Variants in RABGAP1L observed in about 807,000 individuals in gnomAD.
RABGAP1L encodes rab GTPase-activating protein 1-like.
A neutral mutation model predicts 137.7 loss-of-function variants in RABGAP1L; 63 were observed. The ratio of observed to expected loss-of-function variants is 0.46; its 90% CI spans 0.37 to 0.56. The LOEUF is 0.56. RABGAP1L is among the 20% of genes least tolerant of loss of function. RABGAP1L has a pLI of 0.00. For synonymous variants in RABGAP1L, 431 were observed against 433.7 expected (o/e 0.99, Z 0.08); for missense variants, 1,095 against 1,244.0 (o/e 0.88, Z 1.80).
chr1:174,646,622 T>TA (rs1365916931), intron 14 of RABGAP1L, among the ~76,000 whole-genome samples: 2 of 152,186 alleles, frequency 1.3e-5, no homozygotes, highest in African/African-American at 4.8e-5. Context: ...AGCCTTGTAT[T>TA]ATAGTTTGAA....
intron 1 of RABGAP1L, among the ~76,000 whole-genome samples, chr1:174,183,424 C>T (rs564616407): frequency 3.5e-4 from 54 of 152,236 alleles, no homozygotes; most frequent in South Asian, 8.3e-4. Flanking sequence ...CTGTGCGAGC[C>T]GCTGTAACCG....
intron 17 of RABGAP1L, among the ~76,000 whole-genome samples, chr1:174,743,442 A>G (rs1000301063): frequency 6.6e-6 from 1 of 152,188 alleles, no homozygotes; most frequent in Non-Finnish European, 1.5e-5. Flanking sequence ...CTATTGAACT[A>G]TTGGGTCAGT....
intron 13 of RABGAP1L, among the ~76,000 whole-genome samples, chr1:174,398,190 G>C (rs1420332617): frequency 1.3e-5 from 2 of 151,948 alleles, no homozygotes; most frequent in African/African-American, 4.8e-5. Context: ...ACCTAGTTTT[G>C]GTGTCCAGAG....
intron 17 of RABGAP1L, among the ~76,000 whole-genome samples, chr1:174,731,079 A>G (rs137940728): frequency 0.09 from 13,768 of 152,170 alleles, 850 homozygotes; most frequent in East Asian, 0.22. Flanking sequence ...GGTTCAAGCT[A>G]TTCTCCTGCC....
chr1:174,384,264 T>A (rs1686533631), intron 12 of RABGAP1L, among the ~76,000 whole-genome samples: 1 of 152,186 alleles, frequency 6.6e-6, no homozygotes, highest in Non-Finnish European at 1.5e-5. Flanking sequence ...TGTTAAGGAC[T>A]GGTGGTATTG....
At chr1:174,559,344 A>T (rs567686926) in intron 13 of RABGAP1L, among the ~76,000 whole-genome samples, 1 of 152,190 alleles carries the variant, frequency 6.6e-6, no homozygotes, top group Non-Finnish European at 1.5e-5. Context: ...ACACATACAG[A>T]ACATTTACTT....
At chr1:174,602,369 C>T (rs544072082) in intron 13 of RABGAP1L, among the ~76,000 whole-genome samples, 3 of 152,086 alleles carry the variant, frequency 2.0e-5, no homozygotes, top group South Asian at 2.1e-4. Context: ...CGTTAGATCT[C>T]GTGAGACTTA....
chr1:174,288,722 A>G (rs1053023901), intron 10 of RABGAP1L, among the ~76,000 whole-genome samples: 9 of 152,154 alleles, frequency 5.9e-5, no homozygotes, highest in African/African-American at 2.2e-4. Context: ...TGGGTCTCAT[A>G]ACTTTGACTG....
intron 17 of RABGAP1L, among the ~76,000 whole-genome samples, chr1:174,738,134 C>T (rs1040056718): frequency 6.6e-6 from 1 of 152,108 alleles, no homozygotes; most frequent in Non-Finnish European, 1.5e-5. Context: ...GGAGATGTTT[C>T]AAGGAGGAGA....
rs549614665 is a variant in RABGAP1L, at chr1:174,438,952, G to A, written c.1710+44807G>A. ...TGCAATGATTTTTATATATTGACCT[G>A]TGTTCCGACAAAATTTATTCATTAA... On this transcript the variant is annotated intron_variant, in intron 13 of 25. Coordinates refer to ENST00000681986, the MANE Select transcript of RABGAP1L (RefSeq NM_001366446.1). Among the ~76,000 whole-genome samples, 7 of 151,330 alleles carry A rather than the reference G, an allele frequency of 4.6e-5. No individual in the cohort carries two copies. The East Asian group carries it at 1.2e-3, about 25-fold the overall frequency.
At chr1:174,675,202 T>C (rs1203875663) in intron 14 of RABGAP1L, among the ~76,000 whole-genome samples, 1 of 152,202 alleles carries the variant, frequency 6.6e-6, no homozygotes. Context: ...GGTTTTCTTC[T>C]AGGGTTTTTA....
intron 19 of RABGAP1L, among the ~76,000 whole-genome samples, chr1:174,817,543 G>A (rs1690567167): frequency 6.6e-6 from 1 of 152,148 alleles, no homozygotes; most frequent in Non-Finnish European, 1.5e-5. Flanking sequence ...GGAGTAGATA[G>A]AGAAAAGACT....
intron 13 of RABGAP1L, among the ~76,000 whole-genome samples, chr1:174,495,968 C>T (rs1018727020): frequency 6.6e-6 from 1 of 152,160 alleles, no homozygotes; most frequent in Non-Finnish European, 1.5e-5. Flanking sequence ...TTTCTCCTGC[C>T]TCAGCCTGCC....
Position 174,948,535 on chromosome 1 carries a change from A to T in RABGAP1L, c.2341-8922A>T, listed in dbSNP as rs941067927. Among the ~76,000 whole-genome samples the T allele has an allele frequency of 2.7e-3, 373 of 138,568 alleles. 4 individuals are homozygous for T. Among genetic ancestry groups the T allele is most frequent in the African/African-American group, 8.3e-3 (303 of 36,332 alleles). 90.9% of individuals were successfully genotyped at this position (138,568 alleles called of 152,430 possible). On this transcript the variant is annotated intron_variant, in intron 19 of 25. Transcript: ENST00000681986. Reference sequence around the variant, plus strand: ...AAAAAAAAAAAAAAAAAAAAAAAGGAGTGTAACTGGATTCTTTGTAACACA... The same window carrying T: ...AAAAAAAAAAAAAAAAAAAAAAAGGTGTGTAACTGGATTCTTTGTAACACA...
chr1:174,175,104 T>G (rs111791137), intron 1 of RABGAP1L, among the ~76,000 whole-genome samples: 7 of 152,226 alleles, frequency 4.6e-5, no homozygotes, highest in African/African-American at 1.7e-4. Context: ...TCAGCATGAT[T>G]GATTTCTAAA....
At chr1:174,454,516 TTGA>T (rs1428852536) in intron 13 of RABGAP1L, among the ~76,000 whole-genome samples, 2 of 151,928 alleles carry the variant, frequency 1.3e-5, no homozygotes, top group African/African-American at 2.4e-5. Flanking sequence ...GAGGTATTAC[TTGA>T]TGAATCTGAA....
At chr1:174,625,730 A>G (rs1466601425) in intron 13 of RABGAP1L, among the ~76,000 whole-genome samples, 1 of 152,248 alleles carries the variant, frequency 6.6e-6, no homozygotes, top group African/African-American at 2.4e-5. Flanking sequence ...TTCAGCTTAT[A>G]AAAATAATTA....
rs1288963482 is a variant in RABGAP1L, at chr1:174,305,079, A to G, written c.1417A>G (p.Thr473Ala). Residue 473 changes from threonine (T) to alanine (A), a missense_variant, in exon 11 of 26, where the codon ACT (threonine) becomes GCT (alanine). Physicochemically the swap from Thr to Ala is moderately conservative, Grantham distance 58. Coordinates refer to ENST00000681986, the MANE Select transcript of RABGAP1L (RefSeq NM_001366446.1). Reference sequence around the variant, plus strand: ...TGACAAGGAGGAACCAGTCACTCCTACTAGTGGAGGGGGTCCAATGTCACC... The same window carrying G: ...TGACAAGGAGGAACCAGTCACTCCTGCTAGTGGAGGGGGTCCAATGTCACC... ...ESDKEEPVTP[T>A]SGGGPMSPQD... 2.6e-6 allele frequency: 4 copies of G among 1,555,868 alleles called. No individual in the cohort carries two copies. Among genetic ancestry groups the G allele is most frequent in the Admixed American group, 2.1e-5 (1 of 48,224 alleles).
intron 13 of RABGAP1L, among the ~76,000 whole-genome samples, chr1:174,432,415 A>G (rs1225141170): frequency 2.0e-5 from 3 of 152,218 alleles, no homozygotes; most frequent in East Asian, 3.8e-4. Flanking sequence ...TGGGAAATGT[A>G]AGATCCACGT....
Sources: gnomAD v4.1 joint callset for allele counts (sites outside exome capture counted in the v4.1 genomes callset) on GRCh38, gnomAD v4.1.1 for gene constraint, MANE v1.5 for transcripts, NCBI Gene and HGNC (gene_info 2026-07-23, HGNC 2026-07-21) for gene names.